Variants in EPS8 observed in about 807,000 individuals in gnomAD.
EPS8 encodes EGFR pathway substrate 8, signaling adaptor.
Under a neutral mutation model 103.8 loss-of-function variants are expected in EPS8, and 42 were observed. That is an observed-to-expected ratio of 0.40 (90% CI 0.32 to 0.52). The LOEUF (loss-of-function observed/expected upper bound fraction) is 0.52, where lower values mean the gene tolerates loss of function less well. Ranked by LOEUF, EPS8 falls within the 20% of genes least tolerant of loss-of-function variation. The pLI is 0.40. For missense variants in EPS8, 969 were observed against 1,005.1 expected, an observed-to-expected ratio of 0.96 and a Z score of 0.49; for synonymous variants, 344 against 344.6, an observed-to-expected ratio of 1.00 and a Z score of 0.02.
chr12:15,699,893 C>T (rs749091777), intron 1 of EPS8, among the ~76,000 whole-genome samples: 1 of 152,164 alleles, frequency 6.6e-6, no homozygotes, highest in Admixed American at 6.6e-5. Flanking sequence ...CGGTGGCTCA[C>T]GCCTGTAATG....
Position 15,745,154 on chromosome 12 carries a change from C to T in EPS8, c.-22+44007G>A, listed in dbSNP as rs921092293. Reference sequence around the variant, plus strand: ...GGTATTATAGGCGTGAGCCACCATGCCTGGCCAATTGTCCATTATTTTTAA... The same window carrying T: ...GGTATTATAGGCGTGAGCCACCATGTCTGGCCAATTGTCCATTATTTTTAA... On this transcript the variant is annotated intron_variant, in intron 1 of 20. Transcript: ENST00000281172. The surrounding 1 kb of genome is among the most constrained non-coding windows in gnomAD (Gnocchi z 4.6). 5.3e-5 allele frequency among the ~76,000 whole-genome samples: 8 copies of T among 152,206 alleles called. No homozygotes were observed. Among genetic ancestry groups the T allele is most frequent in the East Asian group, 1.9e-4 (1 of 5,192 alleles).
chr12:15,754,923 T>C (rs1242419102), intron 1 of EPS8, among the ~76,000 whole-genome samples: 1 of 152,194 alleles, frequency 6.6e-6, no homozygotes, highest in East Asian at 1.9e-4. Flanking sequence ...TACTTTCTAC[T>C]CCACTTCTCC....
rs1426839827 is a variant in EPS8, at chr12:15,706,266, A to T, written c.-21-23294T>A. On this transcript the variant is annotated intron_variant, in intron 1 of 20. Transcript: ENST00000281172. The surrounding 1 kb of genome is among the most constrained non-coding windows in gnomAD (Gnocchi z 5.2). ...GCAAGTTTGCACCTTTGCAGAGGGG[A>T]GGAGCCTGGCCTTGCCTTTTCCTGC... 6.6e-6 allele frequency among the ~76,000 whole-genome samples: 1 copy of T among 152,180 alleles called. No individual in the cohort carries two copies. The highest frequency in any genetic ancestry group is 1.5e-5 in the Non-Finnish European group (1 of 68,032).
At chr12:15,676,955 T>A (rs1031476609) in intron 3 of EPS8, among the ~76,000 whole-genome samples, 9 of 152,226 alleles carry the variant, frequency 5.9e-5, no homozygotes, top group African/African-American at 2.2e-4. Context: ...TATACAAGCA[T>A]AGTTCACAAT....
chr12:15,735,085 T>G lies in EPS8; in HGVS notation c.-21-52113A>C, dbSNP rs967759690. 6.6e-6 allele frequency among the ~76,000 whole-genome samples: 1 copy of G among 152,166 alleles called. No homozygotes were observed. Among genetic ancestry groups the G allele is most frequent in the Non-Finnish European group, 1.5e-5 (1 of 68,018 alleles). On this transcript the variant is annotated intron_variant, in intron 1 of 20. Coordinates refer to ENST00000281172, the MANE Select transcript of EPS8 (RefSeq NM_004447.6). This position sits in a 1 kb window ranked among gnomAD's most constrained non-coding sequence, Gnocchi z 4.4. ...CAGCATTTCATGGATAACTGTAGTA[T>G]TCCCAGGTACATGCAAATGACAAAG...
intron 15 of EPS8, among the ~76,000 whole-genome samples, chr12:15,646,389 T>C (rs1945320007): frequency 6.6e-6 from 1 of 152,194 alleles, no homozygotes; most frequent in African/African-American, 2.4e-5. Context: ...GAGTTCTCTA[T>C]TCCCAGTTCA....
intron 1 of EPS8, among the ~76,000 whole-genome samples, chr12:15,724,397 TTGTA>T (rs1188584588): frequency 2.0e-5 from 3 of 152,134 alleles, no homozygotes; most frequent in Non-Finnish European, 4.4e-5. Flanking sequence ...AATAGTCACT[TTGTA>T]TGAGTCTTAT....
At chr12:15,651,096 GCACACA>G in intron 13 of EPS8, 90 bp from the exon 14 acceptor site, 1 of 960,670 alleles carries the variant, frequency 1.0e-6, no homozygotes, top group Non-Finnish European at 1.6e-6. Context: ...ACATACACAC[GCACACA>G]CACATAAATA....
intron 1 of EPS8, among the ~76,000 whole-genome samples, chr12:15,699,714 C>A (rs1946288144): frequency 6.6e-6 from 1 of 152,172 alleles, no homozygotes; most frequent in African/African-American, 2.4e-5. Context: ...AATACTCCTA[C>A]ATATAAACCC....
At position 15,752,958 on chromosome 12, in the gene EPS8, G is replaced by C. The variant is rs2417478; in HGVS notation, c.-22+36203C>G. Among the ~76,000 whole-genome samples, 2,983 of 151,862 alleles carry C rather than the reference G, an allele frequency of 0.02. 107 individuals carry two copies. The highest frequency in any genetic ancestry group is 0.068 in the African/African-American group (2,819 of 41,352). ...TCATTTCAGTTACATTATGGTAAAA[G>C]GGGCAATTGTGGGATAACCATCATT... On this transcript the variant is annotated intron_variant, in intron 1 of 20. Coordinates refer to ENST00000281172, the MANE Select transcript of EPS8 (RefSeq NM_004447.6). This position sits in a 1 kb window ranked among gnomAD's most constrained non-coding sequence, Gnocchi z 4.4.
At chr12:15,638,400 G>A (rs190305596) in intron 17 of EPS8, among the ~76,000 whole-genome samples, 1 of 152,186 alleles carries the variant, frequency 6.6e-6, no homozygotes, top group East Asian at 1.9e-4. Flanking sequence ...AGGTCTTAGT[G>A]GTTTTGTTGA....
intron 4 of EPS8, 31 bp downstream of exon 4, chr12:15,670,825 C>G: frequency 6.6e-7 from 1 of 1,510,190 alleles, no homozygotes; most frequent in Non-Finnish European, 9.2e-7. Flanking sequence ...AAGGGTCACT[C>G]TAAATACTAG....
chr12:15,686,448 A>AT (rs1232808717), intron 1 of EPS8, among the ~76,000 whole-genome samples: 1 of 152,138 alleles, frequency 6.6e-6, no homozygotes, highest in Non-Finnish European at 1.5e-5. Context: ...AACAGCATCA[A>AT]TTTCCTTATG....
chr12:15,672,107 T>G (rs374237776), intron 3 of EPS8, among the ~76,000 whole-genome samples: 14 of 152,166 alleles, frequency 9.2e-5, no homozygotes, highest in African/African-American at 3.1e-4. Flanking sequence ...CAACCTATTT[T>G]TTTGTAAATG....
Position 15,669,383 on chromosome 12 carries a change from T to A in EPS8, c.516+4A>T. 1 of 1,591,348 alleles carries A rather than the reference T, an allele frequency of 6.3e-7. No individual in the cohort carries two copies. Among genetic ancestry groups the A allele is most frequent in the African/African-American group, 1.4e-5 (1 of 73,664 alleles). On this transcript the variant is annotated splice_donor_region_variant and intron_variant, in intron 6 of 20. Transcript: ENST00000281172. ...AAGAAACAAAAATTTCACCATTCTT[T>A]TACCTTAACCTCATCACACTGGAAG...
chr12:15,741,424 G>C (rs1946821375), intron 1 of EPS8, among the ~76,000 whole-genome samples: 1 of 152,110 alleles, frequency 6.6e-6, no homozygotes, highest in Non-Finnish European at 1.5e-5. Flanking sequence ...CAGGTACCAA[G>C]CGAATCCTGG....
chr12:15,677,074 A>G (rs1945921321), intron 3 of EPS8, among the ~76,000 whole-genome samples: 1 of 152,192 alleles, frequency 6.6e-6, no homozygotes, highest in South Asian at 2.1e-4. Flanking sequence ...CTGTCAAAAT[A>G]TCACTATAAT....
At chr12:15,624,603 G>C (rs1003543894) in intron 18 of EPS8, among the ~76,000 whole-genome samples, 196 bp from the exon 19 acceptor site, 1 of 152,080 alleles carries the variant, frequency 6.6e-6, no homozygotes, top group South Asian at 2.1e-4. Flanking sequence ...CTCTTCTCTA[G>C]TCTCTTCATT....
chr12:15,630,884 C>T (rs1413124806), intron 18 of EPS8, among the ~76,000 whole-genome samples: 1 of 152,056 alleles, frequency 6.6e-6, no homozygotes, highest in East Asian at 1.9e-4. Flanking sequence ...GCTAAGTGTC[C>T]CTGGTCTCTA....
Sources: gnomAD v4.1 joint callset for allele counts (sites outside exome capture counted in the v4.1 genomes callset) on GRCh38, gnomAD v4.1.1 for gene constraint, Gnocchi (gnomAD v3.1) non-coding constraint, MANE v1.5 for transcripts, NCBI Gene and HGNC (gene_info 2026-07-23, HGNC 2026-07-21) for gene names.